TES: variants seen among roughly 807,000 people sequenced by gnomAD.
TES encodes the protein testin LIM domain protein, also known as testin.
TES carries 41 observed loss-of-function variants against 48.2 expected under a neutral mutation model. The observed-to-expected ratio is 0.85, with a 90% confidence interval of 0.66 to 1.10. The LOEUF (loss-of-function observed/expected upper bound fraction) is 1.10, where lower values mean the gene tolerates loss of function less well. Ranked by LOEUF, TES falls within the 50% of genes least tolerant of loss-of-function variation. TES has a pLI of 0.00. For synonymous variants in TES, 162 were observed against 174.9 expected, an observed-to-expected ratio of 0.93 and a Z score of 0.58; for missense variants, 463 against 515.1, an observed-to-expected ratio of 0.90 and a Z score of 0.98.
At chr7:116,231,555 T>TG (rs1799700851) in intron 1 of TES, among the ~76,000 whole-genome samples, 1 of 151,962 alleles carries the variant, frequency 6.6e-6, no homozygotes, top group Admixed American at 6.6e-5. Context: ...CCACTGGAGG[T>TG]GGGGGGCGGT....
chr7:116,245,560 A>C (rs994202740), intron 2 of TES, among the ~76,000 whole-genome samples: 2 of 152,070 alleles, frequency 1.3e-5, no homozygotes, highest in African/African-American at 2.4e-5. Flanking sequence ...TGAGCCCTCC[A>C]AGTCTCTAGG....
In TES at chr7:116,254,585, A is replaced by C. The variant is rs549493231; in HGVS notation, c.1077+2109A>C. Among the ~76,000 whole-genome samples, 4 of 152,016 alleles carry C rather than the reference A, an allele frequency of 2.6e-5. No individual in the cohort carries two copies. The South Asian group carries it at 6.2e-4, about 24-fold the overall frequency. On this transcript the variant is annotated intron_variant, in intron 6 of 6. Transcript: ENST00000358204. Reference sequence around the variant, plus strand: ...CCCGTCTCTATTAAAAATACAAAAAAATTAGCTGGGCGTGGTGGCAGGTGC... The same window carrying C: ...CCCGTCTCTATTAAAAATACAAAAACATTAGCTGGGCGTGGTGGCAGGTGC...
chr7:116,257,921 G>A lies in TES; in HGVS notation c.*439G>A, dbSNP rs576617424. On this transcript the variant is annotated 3_prime_UTR_variant, in exon 7 of 7. Transcript: ENST00000358204. The stretch of plus-strand genomic sequence containing the variant: ...ACCAAGGCGCTACGTTTATTGCCTC[G>A]TCTTATTCACTGACCTTTGTAATGA... 14 of 155,626 alleles carry A rather than the reference G, an allele frequency of 9.0e-5. No individual in the cohort carries two copies. The highest frequency in any genetic ancestry group is 1.9e-4 in the African/African-American group (8 of 41,426). 9.6% of individuals were successfully genotyped at this position (155,626 alleles called of 1,614,324 possible).
chr7:116,240,086 T>C (rs1269281186), intron 2 of TES, among the ~76,000 whole-genome samples: 1 of 152,158 alleles, frequency 6.6e-6, no homozygotes, highest in Non-Finnish European at 1.5e-5. Context: ...AACTAAAAAT[T>C]CCCTACCATA....
chr7:116,255,888 GTGT>G (rs1800091734), intron 6 of TES, among the ~76,000 whole-genome samples: 1 of 152,084 alleles, frequency 6.6e-6, no homozygotes, highest in Admixed American at 6.5e-5. Flanking sequence ...GTACAATTAT[GTGT>G]TGATCATAAA....
chr7:116,248,624 T>C (rs1003214095), intron 2 of TES, among the ~76,000 whole-genome samples: 3 of 152,214 alleles, frequency 2.0e-5, no homozygotes, highest in Non-Finnish European at 4.4e-5. Flanking sequence ...TGCCCATTTT[T>C]TAATGGGGTT....
intron 2 of TES, among the ~76,000 whole-genome samples, chr7:116,239,807 T>C (rs1399968947): frequency 6.6e-6 from 1 of 152,228 alleles, no homozygotes; most frequent in Non-Finnish European, 1.5e-5. Flanking sequence ...TGGGAATGCT[T>C]TCAAGTAATA....
chr7:116,254,770 G>A (rs1401410899), intron 6 of TES, among the ~76,000 whole-genome samples: 14 of 150,764 alleles, frequency 9.3e-5, no homozygotes, highest in African/African-American at 2.7e-4. Flanking sequence ...GTGTGTGTGT[G>A]TGTGTGTGTG....
intron 1 of TES, among the ~76,000 whole-genome samples, chr7:116,224,608 T>A (rs1446949146): frequency 7.2e-5 from 11 of 152,104 alleles, no homozygotes; most frequent in Admixed American, 7.2e-4. Context: ...ACCCTGGAGA[T>A]TTTTGTTGAC....
intron 1 of TES, among the ~76,000 whole-genome samples, chr7:116,225,602 G>A (rs923600033): frequency 3.9e-5 from 6 of 152,198 alleles, no homozygotes; most frequent in African/African-American, 1.4e-4. Flanking sequence ...GCTTACAGTG[G>A]ATTTTGTGAT....
intron 2 of TES, among the ~76,000 whole-genome samples, chr7:116,235,168 C>A (rs1799752441): frequency 6.6e-6 from 1 of 152,196 alleles, no homozygotes; most frequent in Non-Finnish European, 1.5e-5. Context: ...CAAGGCTGGT[C>A]TCAAACTCCT....
intron 1 of TES, among the ~76,000 whole-genome samples, chr7:116,217,156 G>A (rs755582160): frequency 6.6e-6 from 1 of 152,104 alleles, no homozygotes; most frequent in Non-Finnish European, 1.5e-5. Flanking sequence ...TTAGCAGTAC[G>A]CTATGTTTCT....
chr7:116,242,459 AT>A (rs1799860722), intron 2 of TES, among the ~76,000 whole-genome samples: 1 of 152,086 alleles, frequency 6.6e-6, no homozygotes, highest in African/African-American at 2.4e-5. Flanking sequence ...CCAAATAAAG[AT>A]TTCTGACTAG....
chr7:116,239,650 G>A (rs1388674849), intron 2 of TES, among the ~76,000 whole-genome samples: 1 of 152,242 alleles, frequency 6.6e-6, no homozygotes, highest in Non-Finnish European at 1.5e-5. Context: ...TCTGAAGTGT[G>A]ATTGTTGTGA....
Position 116,210,682 on chromosome 7 carries a change from G to A in TES, c.-26G>A. On this transcript the variant is annotated 5_prime_UTR_variant, in exon 1 of 7. Coordinates refer to ENST00000358204, the MANE Select transcript of TES (RefSeq NM_015641.4). ...GGCCGTGGGATCCCGGATAGGAGGA[G>A]GAGGGGACCCATAGGACGCGTTAAC... is the stretch of plus-strand genomic sequence containing the variant. 7.7e-7 allele frequency: 1 copy of A among 1,300,472 alleles called. No homozygotes were observed. The highest frequency in any genetic ancestry group is 9.9e-7 in the Non-Finnish European group (1 of 1,013,142). The allele number at this position is 1,300,472 out of a possible 1,614,324, so 80.6% of individuals were successfully genotyped here. A position where few individuals can be genotyped will look rare whatever the true frequency, so the allele number is the denominator to read the frequency against.
chr7:116,233,551 T>C (rs576545131), intron 1 of TES, among the ~76,000 whole-genome samples: 2 of 152,324 alleles, frequency 1.3e-5, no homozygotes, highest in African/African-American at 4.8e-5. Context: ...TCATAGTCTC[T>C]GAGTTTCAGC....
chr7:116,230,758 T>C (rs1317901986), intron 1 of TES, among the ~76,000 whole-genome samples: 1 of 151,818 alleles, frequency 6.6e-6, no homozygotes, highest in Non-Finnish European at 1.5e-5. Flanking sequence ...GCCCTGTCAC[T>C]CTGAAAGTGC....
In TES at chr7:116,250,176, C is replaced by G. The variant is rs771259080; in HGVS notation, c.382C>G (p.Gln128Glu). Residue 128 changes from glutamine (Q) to glutamate (E), a missense_variant, in exon 4 of 7, where the codon CAG becomes GAG. Physicochemically the swap from Gln to Glu is conservative, Grantham distance 29. Transcript: ENST00000358204. ...TGTGGTTCAGGCCAGGCAGTACATG[C>G]AGATGCTACCCAAGGAAAAGCAGCC... ...QNQALARQYMQMLPKEKQPVA... is the reference protein window; with the variant it reads ...QNQALARQYMEMLPKEKQPVA... 1 of 1,547,950 alleles carries G rather than the reference C, an allele frequency of 6.5e-7. No individual in the cohort carries two copies. The highest frequency in any genetic ancestry group is 1.3e-5 in the South Asian group (1 of 77,702).
At chr7:116,254,379 G>A (rs762518218) in intron 6 of TES, among the ~76,000 whole-genome samples, 12 of 151,892 alleles carry the variant, frequency 7.9e-5, no homozygotes, top group South Asian at 2.1e-4. Context: ...TCAATGGCAG[G>A]GTATAACCAC....
Sources: gnomAD v4.1 joint callset for allele counts (sites outside exome capture counted in the v4.1 genomes callset) on GRCh38, gnomAD v4.1.1 for gene constraint, MANE v1.5 for transcripts, NCBI Gene and HGNC (gene_info 2026-07-23, HGNC 2026-07-21) for gene names.